The following CDH12 variants were observed in gnomAD, a reference collection of about 807,000 sequenced individuals.
CDH12 encodes cadherin 12.
In CDH12, 41 loss-of-function variants were observed where a neutral mutation model predicts 74.1. That is an observed-to-expected ratio of 0.55 (90% CI 0.43 to 0.72). The LOEUF is 0.72. Ranked by LOEUF, CDH12 falls within the 30% of genes least tolerant of loss-of-function variation. The pLI, the probability that CDH12 is intolerant of heterozygous loss-of-function variation, is 0.00. For missense variants in CDH12, 945 were observed against 977.2 expected (o/e 0.97, Z 0.44); for synonymous variants, 399 against 355.0 (o/e 1.12, Z -1.39).
intron 6 of CDH12, among the ~76,000 whole-genome samples, chr5:21,951,418 T>G (rs1580007948): frequency 1.3e-5 from 2 of 150,954 alleles, no homozygotes; most frequent in African/African-American, 5.0e-5. Flanking sequence ...AGACTAATTT[T>G]TGTACTTTTA....
chr5:22,096,989 G>A (rs144089315), intron 4 of CDH12, among the ~76,000 whole-genome samples: 1 of 151,868 alleles, frequency 6.6e-6, no homozygotes, highest in Non-Finnish European at 1.5e-5. Context: ...ACATATTTCT[G>A]AGTTGCAATT....
intron 1 of CDH12, among the ~76,000 whole-genome samples, chr5:22,608,506 T>G (rs1316946757): frequency 6.6e-6 from 1 of 152,168 alleles, no homozygotes; most frequent in Admixed American, 6.5e-5. Flanking sequence ...TCAGATAAGC[T>G]ATTGGCCTTG....
chr5:22,387,738 C>A (rs183403189), intron 3 of CDH12, among the ~76,000 whole-genome samples: 22 of 152,160 alleles, frequency 1.4e-4, no homozygotes, highest in African/African-American at 5.3e-4. Flanking sequence ...ATTGAGAGTT[C>A]TTTAGATATC....
intron 1 of CDH12, among the ~76,000 whole-genome samples, chr5:22,704,906 CA>C (rs1168940530): frequency 6.6e-6 from 1 of 151,842 alleles, no homozygotes; most frequent in Non-Finnish European, 1.5e-5. Flanking sequence ...CTTCCTTATA[CA>C]ATGTATAAAA....
intron 2 of CDH12, among the ~76,000 whole-genome samples, chr5:22,480,745 T>G (rs1455071585): frequency 6.6e-6 from 1 of 152,136 alleles, no homozygotes; most frequent in East Asian, 1.9e-4. Flanking sequence ...CATAGTTTTT[T>G]CCATTGCAAA....
chr5:21,861,663 T>C (rs1033427213), intron 6 of CDH12, among the ~76,000 whole-genome samples: 12 of 152,084 alleles, frequency 7.9e-5, no homozygotes, highest in Admixed American at 7.9e-4. Context: ...GTTTATTTCC[T>C]CTATTACAAA....
chr5:22,519,652 T>C (rs1736963456), intron 1 of CDH12, among the ~76,000 whole-genome samples: 1 of 152,130 alleles, frequency 6.6e-6, no homozygotes, highest in African/African-American at 2.4e-5. Flanking sequence ...CTTGATCTCC[T>C]GACCTCGTGA....
At chr5:22,651,105 G>A (rs1055948349) in intron 1 of CDH12, among the ~76,000 whole-genome samples, 2 of 149,394 alleles carry the variant, frequency 1.3e-5, no homozygotes, top group Non-Finnish European at 2.9e-5. Context: ...ATCATCAAGA[G>A]GCCCCATATC....
At chr5:22,769,708 A>G (rs1185131302) in intron 1 of CDH12, among the ~76,000 whole-genome samples, 1 of 152,082 alleles carries the variant, frequency 6.6e-6, no homozygotes, top group Non-Finnish European at 1.5e-5. Context: ...TCTTACACCC[A>G]TCCCTGCAAA....
At chr5:22,013,987 G>T (rs1737449395) in intron 5 of CDH12, among the ~76,000 whole-genome samples, 1 of 152,154 alleles carries the variant, frequency 6.6e-6, no homozygotes, top group African/African-American at 2.4e-5. Context: ...AGCACTTTGG[G>T]AGGCTGAGGC....
At chr5:22,540,570 A>T (rs1738058535) in intron 1 of CDH12, among the ~76,000 whole-genome samples, 1 of 152,164 alleles carries the variant, frequency 6.6e-6, no homozygotes, top group Non-Finnish European at 1.5e-5. Context: ...AAATTCCAAG[A>T]CTATATTACT....
chr5:22,277,412 C>T (rs1736681529), intron 3 of CDH12, among the ~76,000 whole-genome samples: 1 of 152,158 alleles, frequency 6.6e-6, no homozygotes, highest in Admixed American at 6.5e-5. Flanking sequence ...TCTTTCATCA[C>T]TGAACATGAT....
chr5:21,798,903 TA>T (rs1746951900), intron 10 of CDH12, among the ~76,000 whole-genome samples: 1 of 152,086 alleles, frequency 6.6e-6, no homozygotes, highest in African/African-American at 2.4e-5. Context: ...GGTGCAGCTA[TA>T]AAAAATACCT....
At chr5:22,582,726 G>A (rs1740168133) in intron 1 of CDH12, among the ~76,000 whole-genome samples, 1 of 152,034 alleles carries the variant, frequency 6.6e-6, no homozygotes, top group Admixed American at 6.6e-5. Context: ...TAACACATTA[G>A]GCAAAGAATT....
At chr5:22,435,262 C>T (rs1744331080) in intron 2 of CDH12, among the ~76,000 whole-genome samples, 2 of 152,100 alleles carry the variant, frequency 1.3e-5, no homozygotes, top group Non-Finnish European at 2.9e-5. Context: ...CTGGATGCTT[C>T]CTGCCCTCGA....
intron 2 of CDH12, among the ~76,000 whole-genome samples, chr5:22,492,873 C>T (rs1290026406): frequency 1.3e-5 from 2 of 151,948 alleles, no homozygotes; most frequent in Non-Finnish European, 2.9e-5. Context: ...CATTTCCTTG[C>T]TCAGTCCACT....
chr5:22,142,493 G>A (rs565259665), intron 4 of CDH12: 15 of 639,662 alleles, frequency 2.3e-5, no homozygotes, highest in Middle Eastern at 2.7e-4. Flanking sequence ...TGAGAATGGG[G>A]TTCAGGATAC....
At chr5:21,875,357 G>A (rs1350453484) in intron 6 of CDH12, among the ~76,000 whole-genome samples, 4 of 152,168 alleles carry the variant, frequency 2.6e-5, no homozygotes, top group Non-Finnish European at 5.9e-5. Flanking sequence ...ATGTGAAAAT[G>A]CATATAAATT....
At chr5:22,055,548 T>C (rs184551777) in intron 5 of CDH12, among the ~76,000 whole-genome samples, 27 of 152,294 alleles carry the variant, frequency 1.8e-4, no homozygotes, top group Admixed American at 1.8e-3. Context: ...GCTTACTGTA[T>C]TGAGAACAAA....
Sources: gnomAD v4.1 joint callset for allele counts (sites outside exome capture counted in the v4.1 genomes callset) on GRCh38, gnomAD v4.1.1 for gene constraint, MANE v1.5 for transcripts, NCBI Gene and HGNC (gene_info 2026-07-23, HGNC 2026-07-21) for gene names.